Variants in MSI2 observed in about 807,000 individuals in gnomAD.
MSI2 encodes the protein musashi RNA binding protein 2, also known as RNA-binding protein Musashi homolog 2.
Under a neutral mutation model 45.6 loss-of-function variants are expected in MSI2, and 17 were observed. The observed-to-expected ratio is 0.37, with a 90% CI of 0.26 to 0.56. MSI2 has a LOEUF of 0.56. Among genes scored for constraint, MSI2 ranks in the 20% least tolerant of loss-of-function variants. The pLI, the probability that MSI2 is intolerant of heterozygous loss-of-function variation, is 0.77. For synonymous variants in MSI2, 156 were observed against 158.2 expected (o/e 0.99, Z 0.11); for missense variants, 293 against 444.2 (o/e 0.66, Z 3.06).
chr17:57,409,765 T>C (rs1174841985), intron 6 of MSI2, among the ~76,000 whole-genome samples: 3 of 151,894 alleles, frequency 2.0e-5, no homozygotes, highest in Non-Finnish European at 4.4e-5. Flanking sequence ...TCCCAGCACT[T>C]TGGGGGGCCA....
intron 6 of MSI2, among the ~76,000 whole-genome samples, chr17:57,514,269 G>C (rs2086421085): frequency 6.6e-6 from 1 of 152,146 alleles, no homozygotes; most frequent in Admixed American, 6.5e-5. Flanking sequence ...ATGTAGAAAT[G>C]ATTTGAAGAA....
intron 5 of MSI2, among the ~76,000 whole-genome samples, chr17:57,393,050 C>T (rs967656746): frequency 6.6e-6 from 1 of 152,198 alleles, no homozygotes; most frequent in Non-Finnish European, 1.5e-5. Flanking sequence ...CACTCCCTCC[C>T]TCTCCCCTGG....
the MSI2 span, among the ~76,000 whole-genome samples, chr17:57,699,827 G>A: frequency 6.6e-6 from 1 of 152,258 alleles, no homozygotes; most frequent in Non-Finnish European, 1.5e-5. Flanking sequence ...GCATCAGCCA[G>A]CCTGGCTGTC....
At chr17:57,664,482 C>T (rs1261607630) in intron 11 of MSI2, among the ~76,000 whole-genome samples, 1 of 151,926 alleles carries the variant, frequency 6.6e-6, no homozygotes, top group African/African-American at 2.4e-5. Context: ...TGCGCCACTG[C>T]ACTCCAGCCT....
chr17:57,575,861 C>T (rs1250516822), intron 7 of MSI2, among the ~76,000 whole-genome samples: 5 of 142,214 alleles, frequency 3.5e-5, no homozygotes, highest in Middle Eastern at 3.6e-3. Flanking sequence ...AGGAGAATGG[C>T]GTGAATCCAG....
chr17:57,693,455 T>G, the MSI2 span, among the ~76,000 whole-genome samples: 2 of 152,088 alleles, frequency 1.3e-5, no homozygotes, highest in African/African-American at 4.8e-5. Flanking sequence ...GTTGACCTAT[T>G]TTCAAGTTCA....
At chr17:57,551,583 G>A (rs1396612942) in intron 7 of MSI2, among the ~76,000 whole-genome samples, 1 of 152,134 alleles carries the variant, frequency 6.6e-6, no homozygotes, top group Admixed American at 6.5e-5. Context: ...CACCCATGGG[G>A]TCATGCATGT....
At chr17:57,505,238 C>T (rs530111418) in intron 6 of MSI2, among the ~76,000 whole-genome samples, 1 of 152,150 alleles carries the variant, frequency 6.6e-6, no homozygotes, top group Non-Finnish European at 1.5e-5. Flanking sequence ...GGCAATGGCT[C>T]TTCTTGCCAC....
At chr17:57,317,045 T>C (rs982396218) in intron 5 of MSI2, among the ~76,000 whole-genome samples, 1 of 151,990 alleles carries the variant, frequency 6.6e-6, no homozygotes, top group African/African-American at 2.4e-5. Context: ...AGGTGGGCTG[T>C]GTTTTCAGAG....
chr17:57,318,525 G>C (rs1196768321), intron 5 of MSI2, among the ~76,000 whole-genome samples: 1 of 152,122 alleles, frequency 6.6e-6, no homozygotes, highest in Non-Finnish European at 1.5e-5. Context: ...ACTGGGAATG[G>C]GCCGGAGAAA....
chr17:57,487,897 T>C (rs568552012), intron 6 of MSI2, among the ~76,000 whole-genome samples: 72 of 151,974 alleles, frequency 4.7e-4, no homozygotes, highest in African/African-American at 1.7e-3. Context: ...ATTCTCATAG[T>C]ACTTGGTGCC....
chr17:57,546,850 G>A (rs760588463), intron 7 of MSI2, among the ~76,000 whole-genome samples: 27 of 152,182 alleles, frequency 1.8e-4, no homozygotes, highest in Non-Finnish European at 3.5e-4. Context: ...GCCCTTCCAT[G>A]TTCCAGGTGC....
intron 6 of MSI2, among the ~76,000 whole-genome samples, chr17:57,525,919 A>G (rs1013389091): frequency 3.3e-5 from 5 of 152,162 alleles, no homozygotes; most frequent in Admixed American, 6.6e-5. Flanking sequence ...GGTATTTCAT[A>G]AGGGGTTAGA....
At chr17:57,663,577 C>G (rs536066780) in intron 11 of MSI2, among the ~76,000 whole-genome samples, 10 of 152,244 alleles carry the variant, frequency 6.6e-5, no homozygotes, top group Admixed American at 6.5e-4. Flanking sequence ...AGTCCGGGTC[C>G]GTCACTGACT....
At chr17:57,589,216 G>A (rs1023403741) in intron 7 of MSI2, among the ~76,000 whole-genome samples, 21 of 152,070 alleles carry the variant, frequency 1.4e-4, no homozygotes, top group Middle Eastern at 3.2e-3. Flanking sequence ...CTCTAATGGC[G>A]ACTCCAATTG....
intron 5 of MSI2, among the ~76,000 whole-genome samples, chr17:57,308,790 C>T (rs572914871): frequency 2.1e-3 from 325 of 152,322 alleles, no homozygotes; most frequent in African/African-American, 7.3e-3. Flanking sequence ...CAACCCCCCT[C>T]ATTTCCACTT....
intron 6 of MSI2, among the ~76,000 whole-genome samples, chr17:57,437,588 T>G (rs1456201745): frequency 6.6e-6 from 1 of 152,246 alleles, no homozygotes; most frequent in Non-Finnish European, 1.5e-5. Flanking sequence ...CAATGAACTT[T>G]TCTTCAAACT....
chr17:57,654,926 T>C (rs1242884861), intron 11 of MSI2, among the ~76,000 whole-genome samples: 2 of 151,484 alleles, frequency 1.3e-5, no homozygotes, highest in Non-Finnish European at 3.0e-5. Flanking sequence ...TTTTTTTTTT[T>C]TTTTTTCCTT....
chr17:57,636,029 A>C (rs1909808600), intron 10 of MSI2, among the ~76,000 whole-genome samples: 1 of 152,082 alleles, frequency 6.6e-6, no homozygotes, highest in African/African-American at 2.4e-5. Flanking sequence ...GAGGAGAGGG[A>C]TCTGCTAGCT....
Sources: allele counts gnomAD v4.1 joint callset (sites outside exome capture counted in the v4.1 genomes callset), GRCh38; gene constraint gnomAD v4.1.1; transcripts MANE v1.5; gene names NCBI Gene and HGNC (gene_info 2026-07-23, HGNC 2026-07-21).